The following DLG2 variants were observed in gnomAD, a reference collection of about 807,000 sequenced individuals.
DLG2 encodes discs large MAGUK scaffold protein 2.
In DLG2, 45 loss-of-function variants were observed where a neutral mutation model predicts 132.5. The ratio of observed to expected loss-of-function variants is 0.34; its 90% CI spans 0.27 to 0.44. The LOEUF (loss-of-function observed/expected upper bound fraction) is 0.44. Among genes scored for constraint, DLG2 ranks in the 20% least tolerant of loss-of-function variants. The pLI is 1.00. For missense variants in DLG2, 1,045 were observed against 1,196.9 expected (o/e 0.87, Z 1.87); for synonymous variants, 424 against 419.6 (o/e 1.01, Z -0.13).
intron 9 of DLG2, among the ~76,000 whole-genome samples, chr11:84,134,296 G>A (rs2094523855): frequency 2.0e-5 from 3 of 151,734 alleles, no homozygotes; most frequent in African/African-American, 7.2e-5. Context: ...GATTCATTTT[G>A]CAATTATCAT....
At chr11:84,368,025 TCA>T (rs2098691204) in intron 7 of DLG2, among the ~76,000 whole-genome samples, 1 of 152,140 alleles carries the variant, frequency 6.6e-6, no homozygotes, top group South Asian at 2.1e-4. Flanking sequence ...AGGCAAGATC[TCA>T]GACACTGACA....
intron 6 of DLG2, among the ~76,000 whole-genome samples, chr11:84,780,309 G>T (rs1366985190): frequency 6.6e-6 from 1 of 151,452 alleles, no homozygotes; most frequent in African/African-American, 2.4e-5. Flanking sequence ...CAAAGAAAAA[G>T]CATTTAATAA....
chr11:83,601,065 T>C (rs867525454), intron 19 of DLG2, among the ~76,000 whole-genome samples: 24 of 152,242 alleles, frequency 1.6e-4, no homozygotes, highest in African/African-American at 5.5e-4. Flanking sequence ...ACTAAGAGCA[T>C]GCAATGATAG....
intron 6 of DLG2, among the ~76,000 whole-genome samples, chr11:84,636,932 C>T (rs1161193238): frequency 6.6e-6 from 1 of 151,044 alleles, no homozygotes; most frequent in Non-Finnish European, 1.5e-5. Flanking sequence ...CAGGTGCCCA[C>T]CACCACACCT....
intron 6 of DLG2, among the ~76,000 whole-genome samples, chr11:85,041,417 A>G (rs1454488539): frequency 6.6e-6 from 1 of 151,956 alleles, no homozygotes; most frequent in East Asian, 1.9e-4. Context: ...TGGTACTTTG[A>G]CTCTTAACCT....
At chr11:85,378,494 C>G (rs2085612825) in intron 3 of DLG2, among the ~76,000 whole-genome samples, 1 of 151,996 alleles carries the variant, frequency 6.6e-6, no homozygotes, top group South Asian at 2.1e-4. Context: ...TTAGATAAGA[C>G]TTGGTATATA....
intron 3 of DLG2, among the ~76,000 whole-genome samples, chr11:85,497,013 C>T (rs1013019819): frequency 2.6e-5 from 4 of 151,986 alleles, no homozygotes; most frequent in Non-Finnish European, 4.4e-5. Flanking sequence ...AACCAGAATG[C>T]CTCTTCTCCT....
At chr11:85,380,095 A>T (rs748849627) in intron 3 of DLG2, among the ~76,000 whole-genome samples, 5 of 152,314 alleles carry the variant, frequency 3.3e-5, no homozygotes, top group Admixed American at 6.5e-5. Context: ...CCTCACCTAA[A>T]TATCACCCAC....
At chr11:84,899,015 C>A (rs1204543965) in intron 6 of DLG2, among the ~76,000 whole-genome samples, 1 of 152,010 alleles carries the variant, frequency 6.6e-6, no homozygotes, top group African/African-American at 2.4e-5. Context: ...TGTGCAGAAG[C>A]TACATGGTGG....
chr11:85,037,416 T>C (rs898318260), intron 6 of DLG2, among the ~76,000 whole-genome samples: 1 of 152,174 alleles, frequency 6.6e-6, no homozygotes, highest in Admixed American at 6.5e-5. Flanking sequence ...GTTCTAGGTA[T>C]TAAATAATGG....
At chr11:85,342,942 T>G (rs1402094472) in intron 3 of DLG2, among the ~76,000 whole-genome samples, 1 of 151,586 alleles carries the variant, frequency 6.6e-6, no homozygotes, top group Non-Finnish European at 1.5e-5. Context: ...CATATGTATC[T>G]AATGCACTTT....
chr11:84,841,880 T>G (rs931762347), intron 6 of DLG2, among the ~76,000 whole-genome samples: 1 of 151,990 alleles, frequency 6.6e-6, no homozygotes, highest in East Asian at 1.9e-4. Context: ...GTTTCTAAAT[T>G]TTTATTATTA....
chr11:83,856,587 G>A (rs2060567802), intron 16 of DLG2, among the ~76,000 whole-genome samples: 1 of 152,148 alleles, frequency 6.6e-6, no homozygotes, highest in South Asian at 2.1e-4. Flanking sequence ...AATGATCAGT[G>A]ATGTTGACCT....
chr11:84,142,764 C>G (rs917254675), intron 9 of DLG2, among the ~76,000 whole-genome samples: 1 of 152,090 alleles, frequency 6.6e-6, no homozygotes, highest in Non-Finnish European at 1.5e-5. Flanking sequence ...CCTTTGGTCT[C>G]TAGATTTTAT....
chr11:84,348,975 C>G (rs1267752315), intron 7 of DLG2, among the ~76,000 whole-genome samples: 1 of 152,176 alleles, frequency 6.6e-6, no homozygotes, highest in African/African-American at 2.4e-5. Flanking sequence ...AACTTCTAGC[C>G]TCTAAAACTG....
chr11:83,939,628 G>T (rs1390184454), intron 14 of DLG2, among the ~76,000 whole-genome samples: 1 of 152,000 alleles, frequency 6.6e-6, no homozygotes, highest in Non-Finnish European at 1.5e-5. Context: ...TCTTTCCTCG[G>T]AGGCTCGAGG....
chr11:85,567,884 T>C (rs1251569559), intron 3 of DLG2, among the ~76,000 whole-genome samples: 1 of 152,186 alleles, frequency 6.6e-6, no homozygotes, highest in Non-Finnish European at 1.5e-5. Flanking sequence ...GAGACAATCA[T>C]TTAAATTTTT....
intron 19 of DLG2, among the ~76,000 whole-genome samples, chr11:83,615,011 C>T (rs7117580): frequency 0.021 from 3,135 of 152,238 alleles, 117 homozygotes; most frequent in African/African-American, 0.072. Flanking sequence ...TTTTCAACAG[C>T]GTTTCATGTA....
At chr11:83,719,941 C>T (rs1324185592) in intron 18 of DLG2, among the ~76,000 whole-genome samples, 1 of 152,094 alleles carries the variant, frequency 6.6e-6, no homozygotes, top group Non-Finnish European at 1.5e-5. Flanking sequence ...CTGTATATTA[C>T]ATGCTATCTC....
Sources: allele counts gnomAD v4.1 joint callset (sites outside exome capture counted in the v4.1 genomes callset), GRCh38; gene constraint gnomAD v4.1.1; transcripts MANE v1.5; gene names NCBI Gene and HGNC (gene_info 2026-07-23, HGNC 2026-07-21).